The following DZIP1L variants were observed in gnomAD, a reference collection of about 807,000 sequenced individuals.
DZIP1L encodes cilium assembly protein DZIP1L.
DZIP1L carries 90 observed loss-of-function variants against 88.7 expected under a neutral mutation model. That is an observed-to-expected ratio of 1.02 (90% CI 0.86 to 1.21). The LOEUF (loss-of-function observed/expected upper bound fraction) is 1.21. Among genes scored for constraint, DZIP1L ranks in the 50% most tolerant of loss-of-function variants. The probability of loss-of-function intolerance (pLI) is 0.00; values close to 1 mark genes in which losing one functional copy is unlikely to be tolerated. For synonymous variants in DZIP1L, 363 were observed against 372.1 expected (o/e 0.98, Z 0.28); for missense variants, 932 against 955.8 (o/e 0.98, Z 0.33).
rs748053549 is a variant in DZIP1L at position 138,088,426 on chromosome 3, G to A, written c.952C>T (p.Arg318Trp). The A allele has an allele frequency of 6.6e-5, 107 of 1,613,542 alleles. No individual in the cohort carries two copies. The Admixed American group carries it at 9.5e-4, about 14-fold the overall frequency. The change falls in exon 6 of 16, where the codon CGG becomes TGG. Residue 318 changes from arginine (R) to tryptophan (W), a missense_variant. Physicochemically the swap from Arg to Trp is moderately radical, Grantham distance 101. Transcript: ENST00000327532. ...LRDEESEEWLRQARELQALRE... is the reference protein window; with the variant it reads ...LRDEESEEWLWQARELQALRE... ...AGGGCCTGAAGCTCCCGTGCCTGCCGAAGCCACTCCTCTGACTCCTCATCT... is the reference window on the plus strand; with the variant it reads ...AGGGCCTGAAGCTCCCGTGCCTGCCAAAGCCACTCCTCTGACTCCTCATCT...
chr3:138,077,281 T>TA (rs1476574652), intron 11 of DZIP1L, among the ~76,000 whole-genome samples: 2 of 152,170 alleles, frequency 1.3e-5, no homozygotes, highest in African/African-American at 4.8e-5. Context: ...GCCAGCCAAA[T>TA]AGGGCCAGTC....
chr3:138,089,208 T>C, intron 5 of DZIP1L: 3 of 985,444 alleles, frequency 3.0e-6, no homozygotes, highest in Non-Finnish European at 3.6e-6. Context: ...TCATTCTTGC[T>C]AACACTTCTC....
At chr3:138,064,464 A>G (rs1312920242) in intron 15 of DZIP1L, 164 bp downstream of exon 15, 1 of 1,598,334 alleles carries the variant, frequency 6.3e-7, no homozygotes, top group Admixed American at 1.8e-5. Context: ...CAAACTGGCC[A>G]TCTCTCCATG....
chr3:138,097,793 G>C lies in DZIP1L; in HGVS notation c.556C>G (p.Gln186Glu). 6.2e-7 allele frequency: 1 copy of C among 1,613,102 alleles called. No homozygotes were observed. The highest frequency in any genetic ancestry group is 1.3e-5 in the African/African-American group (1 of 75,036). Residue 186 changes from glutamine (Q) to glutamate (E), a missense_variant, in exon 3 of 16, where the codon CAG becomes GAG. Transcript: ENST00000327532. Reference sequence around the variant, plus strand: ...TCTGCCACGCCTGCATGCCTGCGCTGGATGTGGCCCCGGAGAAAGGTGGCA... The same window carrying C: ...TCTGCCACGCCTGCATGCCTGCGCTCGATGTGGCCCCGGAGAAAGGTGGCA... ...MNATFLRGHIQRRHAGVAEGG... is the reference protein window; with the variant it reads ...MNATFLRGHIERRHAGVAEGG...
At chr3:138,082,932 T>A (rs2724694) in intron 8 of DZIP1L, among the ~76,000 whole-genome samples, 3,189 of 151,954 alleles carry the variant, frequency 0.021, 56 homozygotes, top group Non-Finnish European at 0.033. Context: ...AGTGAAGCGG[T>A]AAACAAAAGT....
rs1051899849 is a variant in DZIP1L, at chr3:138,095,128, C to T, written c.587-145G>A. 9.6e-6 allele frequency: 12 copies of T among 1,249,970 alleles called. No homozygotes were observed. The African/African-American group carries it at 1.6e-4, about 17-fold the overall frequency. 77.4% of individuals were successfully genotyped at this position (1,249,970 alleles called of 1,614,324 possible). A position where few individuals can be genotyped will look rare whatever the true frequency, so the allele number is the denominator to read the frequency against. ...TGACATTGGGCAAAGAACATAACCT[C>T]CCTGTCCCTCTGTTTCCCCAAACTG... On this transcript the variant is annotated intron_variant, in intron 3 of 15. Coordinates refer to ENST00000327532, the MANE Select transcript of DZIP1L (RefSeq NM_173543.3).
chr3:138,072,069 A>G (rs1248373463), intron 11 of DZIP1L, among the ~76,000 whole-genome samples: 1 of 152,240 alleles, frequency 6.6e-6, no homozygotes, highest in Non-Finnish European at 1.5e-5. Context: ...GCACAGCAGG[A>G]TAATGCAAAG....
intron 14 of DZIP1L, among the ~76,000 whole-genome samples, chr3:138,065,571 C>T (rs1942856620): frequency 6.6e-6 from 1 of 152,244 alleles, no homozygotes; most frequent in South Asian, 2.1e-4. Context: ...GTCCCAAGAC[C>T]TTGCCACCCT....
At position 138,094,997 on chromosome 3, in the gene DZIP1L, G is replaced by A. The variant is rs371632770; in HGVS notation, c.587-14C>T. The A allele has an allele frequency of 4.6e-5, 75 of 1,613,944 alleles. No individual in the cohort carries two copies. The highest frequency in any genetic ancestry group is 3.2e-4 in the African/African-American group (24 of 74,912). On this transcript the variant is annotated splice_polypyrimidine_tract_variant and intron_variant, in intron 3 of 15. Coordinates refer to ENST00000327532, the MANE Select transcript of DZIP1L (RefSeq NM_173543.3). ...TCTTCTGTTTTCCTGTGGGGTCCAC[G>A]CAAAGACAGGTGACCAGTTTAAGTC...
At chr3:138,089,664 GT>G (rs1479360278) in intron 5 of DZIP1L, among the ~76,000 whole-genome samples, 1 of 152,008 alleles carries the variant, frequency 6.6e-6, no homozygotes, top group South Asian at 2.1e-4. Context: ...AATCTTGCTG[GT>G]TTTTACCCTT....
chr3:138,098,957 G>A (rs911501430), intron 2 of DZIP1L, among the ~76,000 whole-genome samples: 6 of 152,052 alleles, frequency 3.9e-5, no homozygotes, highest in African/African-American at 1.5e-4. Context: ...ACCAGCCCGG[G>A]CAACCTGGAG....
intron 2 of DZIP1L, among the ~76,000 whole-genome samples, chr3:138,099,752 C>CT (rs1218713526): frequency 6.6e-6 from 1 of 152,176 alleles, no homozygotes; most frequent in East Asian, 1.9e-4. Flanking sequence ...CTTACTTCCT[C>CT]TCTTGCAATG....
rs760465903 is a variant in DZIP1L, at chr3:138,092,463, A to G, written c.790T>C (p.Tyr264His). 1 of 1,607,160 alleles carries G rather than the reference A, an allele frequency of 6.2e-7. No homozygotes were observed. The highest frequency in any genetic ancestry group is 1.7e-5 in the Admixed American group (1 of 58,828). ...KWKEQEWTKL[Y>H]GEIDKLKKLF... Reference sequence around the variant, plus strand: ...TTTTTTAGTTTATCTATTTCCCCATAAAGTTTGGTCCACTCTTGCTCTTTC... The same window carrying G: ...TTTTTTAGTTTATCTATTTCCCCATGAAGTTTGGTCCACTCTTGCTCTTTC... The change falls in exon 5 of 16, where the codon TAT (tyrosine) becomes CAT (histidine). Residue 264 changes from tyrosine (Y) to histidine (H), a missense_variant. Tyr to His is a moderately conservative substitution (Grantham distance 83). Coordinates refer to ENST00000327532, the MANE Select transcript of DZIP1L (RefSeq NM_173543.3).
intron 10 of DZIP1L, 136 bp from the exon 11 acceptor site, chr3:138,077,768 G>T: frequency 7.9e-7 from 1 of 1,270,596 alleles, no homozygotes; most frequent in Non-Finnish European, 1.1e-6. Flanking sequence ...TTGCACTTGA[G>T]CCCTTAAAGC....
Position 138,068,384 on chromosome 3 carries a change from G to C in DZIP1L, c.1616-17C>G. 2.0e-6 allele frequency: 3 copies of C among 1,480,104 alleles called. No homozygotes were observed. Among genetic ancestry groups the C allele is most frequent in the Non-Finnish European group, 2.7e-6 (3 of 1,107,188 alleles). 91.7% of individuals were successfully genotyped at this position (1,480,104 alleles called of 1,614,324 possible). The stretch of plus-strand genomic sequence containing the variant: ...GGCTTTTGACTGGAAACACAGAAAG[G>C]AATGATTTTTGGAGTACACCCATGC... On this transcript the variant is annotated splice_polypyrimidine_tract_variant and intron_variant, in intron 12 of 15. Coordinates refer to ENST00000327532, the MANE Select transcript of DZIP1L (RefSeq NM_173543.3).
intron 5 of DZIP1L, among the ~76,000 whole-genome samples, chr3:138,090,289 C>T (rs1944146707): frequency 1.3e-5 from 2 of 152,100 alleles, no homozygotes; most frequent in South Asian, 2.1e-4. Flanking sequence ...AATTTTCTGA[C>T]CAAAAGTAAC....
At chr3:138,068,129 GA>G in intron 13 of DZIP1L, 21 bp downstream of exon 13, 7 of 1,464,340 alleles carry the variant, frequency 4.8e-6, no homozygotes, top group Non-Finnish European at 6.3e-6. Context: ...GGTGGGGTGA[GA>G]GGGCAGAGTC....
In DZIP1L at chr3:138,062,793, A is replaced by G. The variant is rs1314629084; in HGVS notation, c.*23T>C. 2 of 1,612,968 alleles carry G rather than the reference A, an allele frequency of 1.2e-6. No homozygotes were observed. Among genetic ancestry groups the G allele is most frequent in the Non-Finnish European group, 1.7e-6 (2 of 1,179,762 alleles). Reference sequence around the variant, plus strand: ...CTGGCCCCAGCCAGGCTAACCCTCTAGCCAGCTAGCTTCTGGGGTGAATCA... The same window carrying G: ...CTGGCCCCAGCCAGGCTAACCCTCTGGCCAGCTAGCTTCTGGGGTGAATCA... On this transcript the variant is annotated 3_prime_UTR_variant, in exon 16 of 16. Transcript: ENST00000327532.
intron 8 of DZIP1L, 107 bp downstream of exon 8, chr3:138,084,006 C>A: frequency 6.9e-7 from 1 of 1,454,868 alleles, no homozygotes. Flanking sequence ...CTTAAGGAGC[C>A]TGAGTGGTAA....
Sources: gnomAD v4.1 joint callset for allele counts (sites outside exome capture counted in the v4.1 genomes callset) on GRCh38, gnomAD v4.1.1 for gene constraint, MANE v1.5 for transcripts, NCBI Gene and HGNC (gene_info 2026-07-23, HGNC 2026-07-21) for gene names.